Variants in PLEKHG4B observed in about 807,000 individuals in gnomAD.
The protein encoded by PLEKHG4B is pleckstrin homology domain-containing family G member 4B.
In PLEKHG4B, 111 loss-of-function variants were observed where a neutral mutation model predicts 121.3. The ratio of observed to expected loss-of-function variants is 0.92; its 90% CI spans 0.78 to 1.07. The LOEUF (loss-of-function observed/expected upper bound fraction) is 1.07. Ranked by LOEUF, PLEKHG4B falls within the 50% of genes least tolerant of loss-of-function variation. The pLI is 0.00. For synonymous variants in PLEKHG4B, 738 were observed against 725.0 expected, an observed-to-expected ratio of 1.02 and a Z score of -0.29; for missense variants, 1,831 against 1,757.8, an observed-to-expected ratio of 1.04 and a Z score of -0.74.
intron 18 of PLEKHG4B, among the ~76,000 whole-genome samples, chr5:180,266 C>T (rs112527720): frequency 0.028 from 4,284 of 152,228 alleles, 124 homozygotes; most frequent in African/African-American, 0.065. Flanking sequence ...GCATGAAGTC[C>T]GCCTCAGACC....
intron 2 of PLEKHG4B, among the ~76,000 whole-genome samples, chr5:124,368 T>C (rs1406770566): frequency 6.6e-6 from 1 of 152,068 alleles, no homozygotes; most frequent in East Asian, 1.9e-4. Context: ...CTGGCTAGAG[T>C]GTTCTGCATA....
At chr5:164,244 T>C (rs1736156510) in intron 13 of PLEKHG4B, among the ~76,000 whole-genome samples, 1 of 152,202 alleles carries the variant, frequency 6.6e-6, no homozygotes, top group South Asian at 2.1e-4. Context: ...TGGGGTATGG[T>C]TTTGGGATGA....
chr5:169,458 G>A lies in PLEKHG4B; in HGVS notation c.3595G>A (p.Gly1199Ser). The change falls in exon 14 of 20, where the codon GGC becomes AGC. Residue 1199 changes from glycine to serine, a missense_variant. Physicochemically the swap from Gly to Ser is moderately conservative, Grantham distance 56 (BLOSUM62 0). Transcript: ENST00000637938. ...PEMERMDLPQGLRGKHHVIFG... is the reference protein window; with the variant it reads ...PEMERMDLPQSLRGKHHVIFG... ...AATGGAAAGAATGGACTTGCCCCAG[G>A]GCCTTCGAGGGAAGCACCACGTTAT... 1.2e-6 allele frequency: 2 copies of A among 1,614,222 alleles called. No individual in the cohort carries two copies. Among genetic ancestry groups the A allele is most frequent in the South Asian group, 2.2e-5 (2 of 91,088 alleles).
chr5:120,331 G>C (rs867331637), intron 2 of PLEKHG4B, among the ~76,000 whole-genome samples: 3 of 152,136 alleles, frequency 2.0e-5, no homozygotes, highest in Non-Finnish European at 2.9e-5. Context: ...AAATCTCATC[G>C]TCTAACAGTC....
intron 1 of PLEKHG4B, among the ~76,000 whole-genome samples, chr5:101,735 A>G: frequency 7.3e-6 from 1 of 137,776 alleles, no homozygotes; most frequent in Non-Finnish European, 1.5e-5. Flanking sequence ...TAGGGGAGAG[A>G]CTGTTGTGAG....
rs1735736256 is a variant in PLEKHG4B, at chr5:155,251, T to C, written c.2110-94T>C. 2.6e-6 allele frequency: 3 copies of C among 1,156,836 alleles called. No individual in the cohort carries two copies. In the African/African-American group the frequency reaches 4.6e-5, roughly 18 times the overall value. 71.7% of individuals were successfully genotyped at this position (1,156,836 alleles called of 1,614,324 possible). A position where few individuals can be genotyped will look rare whatever the true frequency, so the allele number is the denominator to read the frequency against. On this transcript the variant is annotated intron_variant, in intron 8 of 19. Coordinates refer to ENST00000637938, the MANE Select transcript of PLEKHG4B (RefSeq NM_052909.5). ...CATATGGAAGCTTCCCAACCCGAGA[T>C]CGGTCTAAATGCAGAAACTGGAACT...
Position 163,144 on chromosome 5 carries a change from GA to G in PLEKHG4B, c.3073del (p.Thr1025ProfsTer55). The G allele has an allele frequency of 6.4e-7, 1 of 1,556,494 alleles. No individual in the cohort carries two copies. Among genetic ancestry groups the G allele is most frequent in the Non-Finnish European group, 8.7e-7 (1 of 1,151,606 alleles). On this transcript the variant is annotated frameshift_variant, in exon 13 of 20. Transcript: ENST00000637938. LOFTEE classifies it high-confidence loss of function. ...CGCTTCTGTGTGGACAGGACGGGGA[GA>G]CCCTGCGCCCAGGGCTGTGTGCTCT... ...RALLCGQDGETLRPGLCALWD... is the reference protein window; with the variant it reads ...RALLCGQDGEXLRPGLCALWD...
chr5:176,849 A>C (rs1042021333), intron 18 of PLEKHG4B, among the ~76,000 whole-genome samples: 1 of 152,200 alleles, frequency 6.6e-6, no homozygotes, highest in African/African-American at 2.4e-5. Context: ...AGCACAGGGT[A>C]CGCACACAGG....
chr5:161,975 G>T, intron 12 of PLEKHG4B, 31 bp downstream of exon 12: 1 of 1,580,506 alleles, frequency 6.3e-7, no homozygotes. Context: ...GCGTCCCAGG[G>T]ATCCCGGCTC....
Position 151,579 on chromosome 5 carries a change from G to A in PLEKHG4B, c.1972G>A (p.Asp658Asn), listed in dbSNP as rs757062498. Residue 658 changes from aspartate to asparagine, a missense_variant, in exon 7 of 20, where the codon GAC becomes AAC. Coordinates refer to ENST00000637938, the MANE Select transcript of PLEKHG4B (RefSeq NM_052909.5). ...AGATAAAGAATCTGCATTTAGGCCTGACAAGGATGCAATAATTCAGGTAAT... is the reference window on the plus strand; with the variant it reads ...AGATAAAGAATCTGCATTTAGGCCTAACAAGGATGCAATAATTCAGGTAAT... ...LVDKESAFRP[D>N]KDAIIQCEVV... is the part of the protein sequence containing the mutation. 1 of 1,588,412 alleles carries A rather than the reference G, an allele frequency of 6.3e-7. No individual in the cohort carries two copies. The highest frequency in any genetic ancestry group is 1.7e-5 in the Admixed American group (1 of 59,458).
At position 184,542 on chromosome 5, in the gene PLEKHG4B, G is replaced by A. The variant is rs547689007; in HGVS notation, c.*2219G>A. On this transcript the variant is annotated 3_prime_UTR_variant, in exon 20 of 20. Transcript: ENST00000637938. ...ACAGAAACTAAGAGTTTCATCCCCA[G>A]CAGACCTGCACTACAAGAAATGTTA... 2.6e-5 allele frequency: 4 copies of A among 152,354 alleles called. No individual in the cohort carries two copies. The highest frequency in any genetic ancestry group is 7.2e-5 in the African/African-American group (3 of 41,580). 9.4% of individuals were successfully genotyped at this position (152,354 alleles called of 1,614,324 possible). A position where few individuals can be genotyped will look rare whatever the true frequency, so the allele number is the denominator to read the frequency against.
At chr5:165,026 AGGGCGGAGCTCACACTAATGCTCTGACG>A (rs1736255365) in intron 13 of PLEKHG4B, among the ~76,000 whole-genome samples, 6 of 17,534 alleles carry the variant, frequency 3.4e-4, no homozygotes, top group Non-Finnish European at 3.7e-4. Context: ...ATGCTCTGAC[AGGGCGGAGCTCACACTAATGCTCTGACG>A]GGGCGGAGCT....
chr5:132,498 T>C (rs1276795907), intron 2 of PLEKHG4B, among the ~76,000 whole-genome samples: 1 of 152,238 alleles, frequency 6.6e-6, no homozygotes, highest in Non-Finnish European at 1.5e-5. Context: ...TTTTCTGATA[T>C]TATCTTTTAG....
chr5:171,370 G>A lies in PLEKHG4B; in HGVS notation c.3976G>A (p.Ala1326Thr), dbSNP rs533211698. The change falls in exon 16 of 20, where the codon GCC becomes ACC. Residue 1326 changes from alanine to threonine, a missense_variant. Ala to Thr is a moderately conservative substitution (Grantham distance 58). Coordinates refer to ENST00000637938, the MANE Select transcript of PLEKHG4B (RefSeq NM_052909.5). ...QGQELGELRA[A>T]EVVVCFQLRH... ...GCAGGAGCTGGGCGAGCTCCGAGCC[G>A]CCGAGGTCGTGGTCTGCTTCCAGCT... The A allele has an allele frequency of 9.3e-6, 15 of 1,611,462 alleles. No homozygotes were observed. Among genetic ancestry groups the A allele is most frequent in the Middle Eastern group, 3.3e-4 (2 of 6,050 alleles).
At chr5:99,181 TATATATATATATATA>T (rs1733725019) in intron 1 of PLEKHG4B, among the ~76,000 whole-genome samples, 3 of 45,098 alleles carry the variant, frequency 6.7e-5, no homozygotes, top group African/African-American at 2.5e-4. Flanking sequence ...TATATATATA[TATATATATATATATA>T]TATATATATA....
Position 140,266 on chromosome 5 carries a change from C to G in PLEKHG4B, c.1027C>G (p.Pro343Ala), listed in dbSNP as rs1735116701. 1 of 1,457,688 alleles carries G rather than the reference C, an allele frequency of 6.9e-7. No homozygotes were observed. The highest frequency in any genetic ancestry group is 9.1e-7 in the Non-Finnish European group (1 of 1,103,948). 90.3% of individuals were successfully genotyped at this position (1,457,688 alleles called of 1,614,324 possible). The change falls in exon 3 of 20, where the codon CCC becomes GCC. Residue 343 changes from proline (P) to alanine (A), a missense_variant. By Grantham distance (27) the Pro-to-Ala change is conservative. Coordinates refer to ENST00000637938, the MANE Select transcript of PLEKHG4B (RefSeq NM_052909.5). ...PSSRRRPPGD[P>A]TCVQPRRWFR... The stretch of plus-strand genomic sequence containing the variant: ...CAGCAGGAGGCGGCCGCCGGGGGAC[C>G]CCACTTGTGTGCAGCCTAGACGCTG...
chr5:119,362 CCTA>C (rs1264295799), intron 2 of PLEKHG4B, among the ~76,000 whole-genome samples: 1 of 152,128 alleles, frequency 6.6e-6, no homozygotes, highest in African/African-American at 2.4e-5. Context: ...TTATTTATAT[CCTA>C]CTGCTGAATG....
At chr5:126,521 G>A (rs1029104873) in intron 2 of PLEKHG4B, among the ~76,000 whole-genome samples, 7 of 152,052 alleles carry the variant, frequency 4.6e-5, no homozygotes, top group Non-Finnish European at 1.0e-4. Context: ...CTTTTCCAGG[G>A]ACAGTTTCTA....
chr5:155,195 C>T (rs1292923651), intron 8 of PLEKHG4B, 150 bp from the exon 9 acceptor site: 11 of 840,336 alleles, frequency 1.3e-5, no homozygotes, highest in South Asian at 6.4e-5. Context: ...ACTGCCGCCC[C>T]GGAAGTGTCT....
Sources: allele counts gnomAD v4.1 joint callset (sites outside exome capture counted in the v4.1 genomes callset), GRCh38; gene constraint gnomAD v4.1.1; transcripts MANE v1.5; gene names NCBI Gene and HGNC (gene_info 2026-07-23, HGNC 2026-07-21).